The following MYH9 variants were observed in gnomAD, a reference collection of about 807,000 sequenced individuals.
MYH9 encodes myosin heavy chain 9.
MYH9 carries 29 observed loss-of-function variants against 241.9 expected under a neutral mutation model. The ratio of observed to expected loss-of-function variants is 0.12; its 90% CI spans 0.09 to 0.16. The LOEUF (loss-of-function observed/expected upper bound fraction) is 0.16, where lower values mean the gene tolerates loss of function less well. Ranked by LOEUF, MYH9 falls within the 10% of genes least tolerant of loss-of-function variation. The pLI is 1.00. For missense variants in MYH9, 1,803 were observed against 2,595.5 expected (o/e 0.69, Z 6.63); for synonymous variants, 1,047 against 1,062.6 (o/e 0.99, Z 0.29).
At chr22:36,362,322 G>A (rs533312692) in intron 1 of MYH9, among the ~76,000 whole-genome samples, 91 of 152,266 alleles carry the variant, frequency 6.0e-4, no homozygotes, top group African/African-American at 2.1e-3. Context: ...ACCGTCCTAC[G>A]ACAGTGAGAA....
At chr22:36,301,179 T>C in intron 21 of MYH9, 122 bp from the exon 22 acceptor site, 9 of 983,668 alleles carry the variant, frequency 9.1e-6, no homozygotes, top group Non-Finnish European at 1.4e-5. Context: ...AAAGTAGCTT[T>C]CATCTGGAGA....
At chr22:36,351,523 G>A (rs1180055114) in intron 1 of MYH9, among the ~76,000 whole-genome samples, 1 of 152,070 alleles carries the variant, frequency 6.6e-6, no homozygotes, top group Non-Finnish European at 1.5e-5. Flanking sequence ...ACTTCACCCT[G>A]GCCAGTCCAT....
intron 40 of MYH9, among the ~76,000 whole-genome samples, chr22:36,283,822 G>A (rs1480940633): frequency 1.3e-5 from 2 of 152,232 alleles, no homozygotes; most frequent in Non-Finnish European, 2.9e-5. Context: ...CACCTAACAT[G>A]TGCCAGGACT....
chr22:36,369,356 C>T (rs533995180), intron 1 of MYH9, among the ~76,000 whole-genome samples: 27 of 152,336 alleles, frequency 1.8e-4, no homozygotes, highest in African/African-American at 6.3e-4. Flanking sequence ...AGGCGTTTTT[C>T]ATGAGCATTT....
At position 36,318,424 on chromosome 22, in the gene MYH9, A is replaced by T. The variant is rs2017194739; in HGVS notation, c.1109-99T>A. 4 of 993,208 alleles carry T rather than the reference A, an allele frequency of 4.0e-6. No homozygotes were observed. In the Admixed American group the frequency reaches 6.8e-5, roughly 17 times the overall value. 61.5% of individuals were successfully genotyped at this position (993,208 alleles called of 1,614,324 possible). ...CCAAGAGAATAAGTCCCTCTGCTTGACTTGGGAGCAGAGAGGAAGAAAGCC... is the reference window on the plus strand; with the variant it reads ...CCAAGAGAATAAGTCCCTCTGCTTGTCTTGGGAGCAGAGAGGAAGAAAGCC... On this transcript the variant is annotated intron_variant, in intron 10 of 40. Transcript: ENST00000216181.
chr22:36,300,388 G>A lies in MYH9; in HGVS notation c.2839-124C>T, dbSNP rs1328488304. ...AAATAGCAAGGTCTGTGAGCCCAGGGCCATGGCTGAGGTGGGGACGGCAAG... is the reference window on the plus strand; with the variant it reads ...AAATAGCAAGGTCTGTGAGCCCAGGACCATGGCTGAGGTGGGGACGGCAAG... On this transcript the variant is annotated intron_variant, in intron 22 of 40. Coordinates refer to ENST00000216181, the MANE Select transcript of MYH9 (RefSeq NM_002473.6). The surrounding 1 kb of genome is among the most constrained non-coding windows in gnomAD (Gnocchi z 5.0). 7.8e-6 allele frequency: 11 copies of A among 1,419,328 alleles called. No homozygotes were observed. The East Asian group carries it at 2.1e-4, about 27-fold the overall frequency. The allele number at this position is 1,419,328 out of a possible 1,614,324, so 87.9% of individuals were successfully genotyped here. A position where few individuals can be genotyped will look rare whatever the true frequency, so the allele number is the denominator to read the frequency against.
intron 3 of MYH9, among the ~76,000 whole-genome samples, chr22:36,339,023 T>C (rs188588249): frequency 2.1e-4 from 32 of 152,312 alleles, no homozygotes; most frequent in Non-Finnish European, 4.0e-4. Context: ...GCATCCTTTT[T>C]TTTGTCCCCC....
In MYH9 at chr22:36,294,138, C is replaced by T. The variant is rs1421535397; in HGVS notation, c.3791G>A (p.Gly1264Glu). 1.9e-6 allele frequency: 3 copies of T among 1,612,192 alleles called. No individual in the cohort carries two copies. Among genetic ancestry groups the T allele is most frequent in the Non-Finnish European group, 2.5e-6 (3 of 1,180,024 alleles). Reference sequence around the variant, plus strand: ...GGCCAGCTCTGTGCGCACGCGCTCTCCCTCGTTGAACTTGACCTGCAGCTC... The same window carrying T: ...GGCCAGCTCTGTGCGCACGCGCTCTTCCTCGTTGAACTTGACCTGCAGCTC... ...LQELQVKFNE[G>E]ERVRTELADK... Residue 1264 changes from glycine to glutamate, a missense_variant, in exon 28 of 41, where the codon GGA becomes GAA. Transcript: ENST00000216181.
intron 15 of MYH9, chr22:36,308,666 G>A (rs2017009944): frequency 3.4e-6 from 1 of 292,634 alleles, no homozygotes; most frequent in Admixed American, 6.5e-5. Flanking sequence ...CAGAAGCCCA[G>A]GGGCAGATCA....
At chr22:36,383,457 G>A (rs2018289386) in intron 1 of MYH9, among the ~76,000 whole-genome samples, 1 of 152,104 alleles carries the variant, frequency 6.6e-6, no homozygotes, top group Non-Finnish European at 1.5e-5. Flanking sequence ...GCATCCAAAA[G>A]CATCAGCAGA....
intron 1 of MYH9, among the ~76,000 whole-genome samples, chr22:36,354,489 G>T (rs2017819930): frequency 6.6e-6 from 1 of 150,458 alleles, no homozygotes; most frequent in African/African-American, 2.5e-5. Flanking sequence ...CTATCACCCA[G>T]GCTGGAGTGC....
rs769038730 is a variant in MYH9 at position 36,295,148 on chromosome 22, G to C, written c.3486-72C>G. On this transcript the variant is annotated intron_variant, in intron 26 of 40. Coordinates refer to ENST00000216181, the MANE Select transcript of MYH9 (RefSeq NM_002473.6). This position sits in a 1 kb window ranked among gnomAD's most constrained non-coding sequence, Gnocchi z 4.1. ...GAGGCTGTCCCTGGGGCTCTTCCCT[G>C]ACCAAAGAGAGGCCTGGCCAGGGCA... 2.5e-6 allele frequency: 4 copies of C among 1,606,708 alleles called. No homozygotes were observed. The highest frequency in any genetic ancestry group is 1.7e-4 in the Middle Eastern group (1 of 6,054).
intron 19 of MYH9, 127 bp downstream of exon 19, chr22:36,303,868 G>C: frequency 9.8e-7 from 1 of 1,015,586 alleles, no homozygotes; most frequent in Non-Finnish European, 1.5e-6. Context: ...GGGGTAGGAA[G>C]AGCCACCTGG....
intron 34 of MYH9, among the ~76,000 whole-genome samples, chr22:36,287,234 T>A (rs2016601134): frequency 6.6e-6 from 1 of 152,214 alleles, no homozygotes; most frequent in Admixed American, 6.5e-5. Flanking sequence ...ATTCTCCTGT[T>A]ACTTCTTTTA....
Position 36,285,412 on chromosome 22 carries a change from A to T in MYH9, c.5275-83T>A. ...AGCAGGGCCAGAGGAAGGTGGCAGC[A>T]GGATCCCACCAAACCCTTGGGGTCC... On this transcript the variant is annotated intron_variant, in intron 37 of 40. Coordinates refer to ENST00000216181, the MANE Select transcript of MYH9 (RefSeq NM_002473.6). This position sits in a 1 kb window ranked among gnomAD's most constrained non-coding sequence, Gnocchi z 7.0. 6.8e-7 allele frequency: 1 copy of T among 1,467,158 alleles called. No homozygotes were observed. The highest frequency in any genetic ancestry group is 1.9e-4 in the Middle Eastern group (1 of 5,172). 90.9% of individuals were successfully genotyped at this position (1,467,158 alleles called of 1,614,324 possible). A position where few individuals can be genotyped will look rare whatever the true frequency, so the allele number is the denominator to read the frequency against.
chr22:36,359,043 G>A (rs1398307876), intron 1 of MYH9, among the ~76,000 whole-genome samples: 1 of 152,150 alleles, frequency 6.6e-6, no homozygotes, highest in Admixed American at 6.5e-5. Flanking sequence ...GCAGAGAAGT[G>A]TCCTTTGTAT....
chr22:36,339,107 G>T (rs1043075624), intron 3 of MYH9, among the ~76,000 whole-genome samples: 1 of 152,208 alleles, frequency 6.6e-6, no homozygotes, highest in Non-Finnish European at 1.5e-5. Context: ...AAAATTGAAT[G>T]AATCTCTTGG....
rs753952544 is a variant in MYH9 at position 36,384,611 on chromosome 22, AATATATATATATATAT to A, written c.-20+3180_-20+3195del. ...AAAAAAAAAAAAAAAAAAAAAAAAA[AATATATATATATATAT>A]ATATATATATATATATATATATATA... is the stretch of plus-strand genomic sequence containing the variant. On this transcript the variant is annotated intron_variant, in intron 1 of 40. Transcript: ENST00000216181. Among the ~76,000 whole-genome samples, 179 of 41,432 alleles carry A rather than the reference AATATATATATATATAT, an allele frequency of 4.3e-3. 3 individuals are homozygous for A. The highest frequency in any genetic ancestry group is 0.016 in the African/African-American group (149 of 9,100). The allele number at this position is 41,432 out of a possible 152,430, so 27.2% of individuals were successfully genotyped here.
intron 1 of MYH9, among the ~76,000 whole-genome samples, chr22:36,350,884 C>T: frequency 6.6e-6 from 1 of 152,178 alleles, no homozygotes; most frequent in East Asian, 1.9e-4. Context: ...TGCCCAGCTC[C>T]CGCTGGGAAA....
Sources: gnomAD v4.1 joint callset for allele counts (sites outside exome capture counted in the v4.1 genomes callset) on GRCh38, gnomAD v4.1.1 for gene constraint, Gnocchi (gnomAD v3.1) non-coding constraint, MANE v1.5 for transcripts, NCBI Gene and HGNC (gene_info 2026-07-23, HGNC 2026-07-21) for gene names.